The following MFF variants were observed in gnomAD, a reference collection of about 807,000 sequenced individuals.
The protein encoded by MFF is chromosome 2 open reading frame 33.
MFF carries 12 observed loss-of-function variants against 36.9 expected under a neutral mutation model. The ratio of observed to expected loss-of-function variants is 0.33; its 90% confidence interval spans 0.21 to 0.53. The LOEUF is 0.53. MFF is among the 20% of genes least tolerant of loss of function. MFF has a pLI of 0.95. For synonymous variants in MFF, 99 were observed against 126.2 expected (o/e 0.78, Z 1.44); for missense variants, 348 against 366.6 (o/e 0.95, Z 0.42).
intron 5 of MFF, among the ~76,000 whole-genome samples, chr2:227,345,094 C>T (rs1218316944): frequency 1.3e-5 from 2 of 152,124 alleles, no homozygotes; most frequent in Non-Finnish European, 2.9e-5. Flanking sequence ...GAACTCTTTG[C>T]AGTTAGTCTG....
rs2075764232 is a variant in MFF at position 227,347,254 on chromosome 2, G to A, written c.469G>A (p.Val157Ile). The stretch of plus-strand genomic sequence containing the variant: ...GACACCATCGCCACAACAGGCTCGG[G>A]TCTGTCCTCCCCATATGTTACCTGA... Reference protein sequence around the residue: ...LVTPSPQQARVCPPHMLPEDG... With the variant: ...LVTPSPQQARICPPHMLPEDG... Residue 157 changes from valine (V) to isoleucine (I), a missense_variant, in exon 6 of 9, where the codon GTC (valine) becomes ATC (isoleucine). By Grantham distance (29) the Val-to-Ile change is conservative. Coordinates refer to ENST00000304593, the MANE Select transcript of MFF (RefSeq NM_001277062.2). 2 of 1,613,698 alleles carry A rather than the reference G, an allele frequency of 1.2e-6. No individual in the cohort carries two copies. Among genetic ancestry groups the A allele is most frequent in the Admixed American group, 1.7e-5 (1 of 59,996 alleles).
chr2:227,335,283 C>T (rs1325873930), intron 4 of MFF, among the ~76,000 whole-genome samples: 1 of 151,734 alleles, frequency 6.6e-6, no homozygotes, highest in Non-Finnish European at 1.5e-5. Flanking sequence ...TTTCTACTTA[C>T]ATGAAATATC....
At chr2:227,340,660 T>C in intron 5 of MFF, 2 of 294,682 alleles carry the variant, frequency 6.8e-6, no homozygotes, top group Admixed American at 9.3e-5. Context: ...ATGAGCTATG[T>C]TAAACAGTGT....
chr2:227,325,467 G>C (rs762541117), intron 1 of MFF, 40 bp downstream of exon 1: 1 of 152,926 alleles, frequency 6.5e-6, no homozygotes, highest in African/African-American at 2.4e-5. Flanking sequence ...CCTGCCGCCC[G>C]AGCTGGCTGC....
chr2:227,328,291 G>T (rs2074312222), intron 1 of MFF, among the ~76,000 whole-genome samples: 1 of 111,996 alleles, frequency 8.9e-6, no homozygotes, highest in Non-Finnish European at 1.8e-5. Context: ...TCTAGCCCGG[G>T]TGACAAAAAA....
chr2:227,328,041 A>G (rs2074289182), intron 1 of MFF, among the ~76,000 whole-genome samples: 1 of 152,180 alleles, frequency 6.6e-6, no homozygotes, highest in Non-Finnish European at 1.5e-5. Flanking sequence ...GAGTACATGC[A>G]TTACTAGTTC....
chr2:227,339,780 T>TAGAGATTGC (rs2075283639), intron 4 of MFF, among the ~76,000 whole-genome samples: 1 of 152,184 alleles, frequency 6.6e-6, no homozygotes, highest in Non-Finnish European at 1.5e-5. Context: ...CATGTGGGAT[T>TAGAGATTGC]AGAGATTGCA....
At position 227,346,396 on chromosome 2, in the gene MFF, A is replaced by C. The variant is rs144567169; in HGVS notation, c.441-830A>C. The C allele has an allele frequency of 1.1e-4, 18 of 165,658 alleles. No individual in the cohort carries two copies. In the East Asian group the frequency reaches 3.5e-3, roughly 32 times the overall value. 10.3% of individuals were successfully genotyped at this position (165,658 alleles called of 1,614,324 possible). On this transcript the variant is annotated intron_variant, in intron 5 of 8. Coordinates refer to ENST00000304593, the MANE Select transcript of MFF (RefSeq NM_001277062.2). ...CCTGAAAATACTGACACAGATCTTAAGAGTTTAGGTTAGAACCATAAGAAT... is the reference window on the plus strand; with the variant it reads ...CCTGAAAATACTGACACAGATCTTACGAGTTTAGGTTAGAACCATAAGAAT...
At chr2:227,342,842 T>C (rs747841482) in intron 5 of MFF, 1 of 1,596,910 alleles carries the variant, frequency 6.3e-7, no homozygotes. Flanking sequence ...CTGCTCTGCT[T>C]TTGACAAGTA....
At chr2:227,354,961 G>A (rs1220082772) in intron 7 of MFF, among the ~76,000 whole-genome samples, 1 of 152,170 alleles carries the variant, frequency 6.6e-6, no homozygotes, top group East Asian at 1.9e-4. Context: ...AGGACTTTGA[G>A]ACCAGCCTGG....
rs1227761184 is a variant in MFF at position 227,357,031 on chromosome 2, A to G, written c.790A>G (p.Lys264Glu). ...RRLQLLEEEN[K>E]ERAKREMVMY... ...TCTACAACTTCTGGAAGAGGAGAACAAAGAACGTGCTAAAAGAGAAATGGT... is the reference window on the plus strand; with the variant it reads ...TCTACAACTTCTGGAAGAGGAGAACGAAGAACGTGCTAAAAGAGAAATGGT... Residue 264 changes from lysine (K) to glutamate (E), a missense_variant, in exon 9 of 9, where the codon AAA (lysine) becomes GAA (glutamate). By Grantham distance (56) the Lys-to-Glu change is moderately conservative. Coordinates refer to ENST00000304593, the MANE Select transcript of MFF (RefSeq NM_001277062.2). The G allele has an allele frequency of 6.2e-7, 1 of 1,613,322 alleles. No individual in the cohort carries two copies. Among genetic ancestry groups the G allele is most frequent in the Non-Finnish European group, 8.5e-7 (1 of 1,179,852 alleles).
intron 1 of MFF, among the ~76,000 whole-genome samples, chr2:227,327,002 T>C (rs1225768175): frequency 6.6e-6 from 1 of 152,162 alleles, no homozygotes; most frequent in Non-Finnish European, 1.5e-5. Flanking sequence ...CTCTAGGCGG[T>C]ACGTGGATGA....
At chr2:227,328,045 C>G (rs2074289569) in intron 1 of MFF, among the ~76,000 whole-genome samples, 1 of 152,166 alleles carries the variant, frequency 6.6e-6, no homozygotes, top group African/African-American at 2.4e-5. Context: ...ACATGCATTA[C>G]TAGTTCAAAA....
chr2:227,332,599 C>G lies in MFF; in HGVS notation c.351+11C>G, dbSNP rs753579479. 5 of 1,553,198 alleles carry G rather than the reference C, an allele frequency of 3.2e-6. No homozygotes were observed. ...CCTCAAAATGAAGAAGTAAGTAGAA[C>G]TTTAGTATCACCGGAATTTGAAATA... On this transcript the variant is annotated intron_variant, in intron 4 of 8. Transcript: ENST00000304593.
At chr2:227,347,519 C>T in intron 6 of MFF, 135 bp downstream of exon 6, 2 of 685,088 alleles carry the variant, frequency 2.9e-6, no homozygotes, top group Non-Finnish European at 5.0e-6. Context: ...AAACAGCTTG[C>T]TTTACTTTCT....
rs908899939 is a variant in MFF at position 227,347,278 on chromosome 2, G to A, written c.493G>A (p.Glu165Lys). The change falls in exon 6 of 9, where the codon GAA (glutamate) becomes AAA (lysine). Residue 165 changes from glutamate to lysine, a missense_variant. Coordinates refer to ENST00000304593, the MANE Select transcript of MFF (RefSeq NM_001277062.2). Reference sequence around the variant, plus strand: ...GGTCTGTCCTCCCCATATGTTACCTGAAGATGGAGCTAATCTTTCCTCTGC... The same window carrying A: ...GGTCTGTCCTCCCCATATGTTACCTAAAGATGGAGCTAATCTTTCCTCTGC... ...ARVCPPHMLP[E>K]DGANLSSARG... is the part of the protein sequence containing the mutation. 2.5e-6 allele frequency: 4 copies of A among 1,613,754 alleles called. No individual in the cohort carries two copies.
chr2:227,333,858 C>T (rs1167681872), intron 4 of MFF, among the ~76,000 whole-genome samples: 1 of 152,176 alleles, frequency 6.6e-6, no homozygotes, highest in Non-Finnish European at 1.5e-5. Flanking sequence ...GGTCTTTCTG[C>T]TTCTCCTAAT....
At chr2:227,339,913 C>A (rs1299375688) in intron 4 of MFF, among the ~76,000 whole-genome samples, 1 of 152,150 alleles carries the variant, frequency 6.6e-6, no homozygotes, top group Non-Finnish European at 1.5e-5. Context: ...AATACAGATG[C>A]TCTCCATTTC....
intron 4 of MFF, among the ~76,000 whole-genome samples, chr2:227,338,535 A>ATATATATATATAATTACTAT (rs2075178223): frequency 3.9e-5 from 6 of 152,022 alleles, no homozygotes; most frequent in Admixed American, 3.3e-4. Context: ...TTAATTTTTT[A>ATATATATATATAATTACTAT]AAAACCATAA....
Sources: gnomAD v4.1 joint callset for allele counts (sites outside exome capture counted in the v4.1 genomes callset) on GRCh38, gnomAD v4.1.1 for gene constraint, MANE v1.5 for transcripts, NCBI Gene and HGNC (gene_info 2026-07-23, HGNC 2026-07-21) for gene names.